SLC8A1: variants seen among roughly 807,000 people sequenced by gnomAD.
SLC8A1 encodes the protein sodium/calcium exchanger 1.
Under a neutral mutation model 68.3 loss-of-function variants are expected in SLC8A1, and 18 were observed. The observed-to-expected ratio is 0.26, with a 90% CI of 0.18 to 0.39. SLC8A1 has a LOEUF of 0.39. Among genes scored for constraint, SLC8A1 ranks in the 10% least tolerant of loss-of-function variants. The pLI, the probability that SLC8A1 is intolerant of heterozygous loss-of-function variation, is 1.00. For missense variants in SLC8A1, 985 were observed against 1,156.7 expected, an observed-to-expected ratio of 0.85 and a Z score of 2.15; for synonymous variants, 475 against 415.5, an observed-to-expected ratio of 1.14 and a Z score of -1.74.
At chr2:40,441,317 A>G (rs1700436178) in intron 1 of SLC8A1, among the ~76,000 whole-genome samples, 1 of 152,146 alleles carries the variant, frequency 6.6e-6, no homozygotes, top group Non-Finnish European at 1.5e-5. Flanking sequence ...ATGGATAGGA[A>G]CAATCAATAT....
chr2:40,464,345 A>G (rs916803654), intron 1 of SLC8A1, among the ~76,000 whole-genome samples: 2 of 152,190 alleles, frequency 1.3e-5, no homozygotes, highest in African/African-American at 4.8e-5. Flanking sequence ...CATAACTTTA[A>G]AAGATTCCTT....
intron 4 of SLC8A1, among the ~76,000 whole-genome samples, chr2:40,173,863 T>C (rs1298330240): frequency 6.6e-6 from 1 of 152,152 alleles, no homozygotes; most frequent in Admixed American, 6.6e-5. Context: ...AATATTTATC[T>C]CTCTAAATGT....
exon 8 of SLC8A1, chr2:40,105,594 C>T (rs1443220129): frequency 1.3e-5 from 2 of 152,152 alleles, no homozygotes; most frequent in African/African-American, 4.8e-5. Context: ...AGGTCCAATC[C>T]ACCTCACAGT....
intron 2 of SLC8A1, among the ~76,000 whole-genome samples, chr2:40,253,324 ATATATG>A (rs1375782818): frequency 6.6e-6 from 1 of 151,372 alleles, no homozygotes; most frequent in African/African-American, 2.4e-5. Context: ...ATACACACAC[ATATATG>A]TGTATATATA....
At chr2:40,432,144 G>GA (rs1256499886) in intron 1 of SLC8A1, among the ~76,000 whole-genome samples, 1 of 151,904 alleles carries the variant, frequency 6.6e-6, no homozygotes, top group Admixed American at 6.6e-5. Context: ...AAGAATGTTG[G>GA]AAGATCTAGT....
chr2:40,161,536 T>A (rs529331234), intron 5 of SLC8A1, among the ~76,000 whole-genome samples: 1 of 152,310 alleles, frequency 6.6e-6, no homozygotes, highest in East Asian at 1.9e-4. Flanking sequence ...CTCCCCTGCT[T>A]TACTGGCACT....
At chr2:40,270,401 C>T (rs752336744) in intron 2 of SLC8A1, among the ~76,000 whole-genome samples, 1 of 152,226 alleles carries the variant, frequency 6.6e-6, no homozygotes, top group East Asian at 1.9e-4. Context: ...TCTTACTAGG[C>T]TAACATTGAG....
chr2:40,450,490 T>C (rs1702243114), intron 1 of SLC8A1, among the ~76,000 whole-genome samples: 1 of 152,186 alleles, frequency 6.6e-6, no homozygotes, highest in Non-Finnish European at 1.5e-5. Context: ...CATGTTCAAC[T>C]GCTCATATCT....
At chr2:40,331,475 A>G (rs68003012) in intron 2 of SLC8A1, among the ~76,000 whole-genome samples, 31,717 of 152,162 alleles carry the variant, frequency 0.21, 3,848 homozygotes, top group East Asian at 0.38. Flanking sequence ...AGAATAAAAA[A>G]GTGCCCTTTA....
intron 5 of SLC8A1, among the ~76,000 whole-genome samples, chr2:40,162,399 G>A (rs1267328736): frequency 6.6e-6 from 1 of 152,204 alleles, no homozygotes; most frequent in Admixed American, 6.5e-5. Flanking sequence ...TCTCCAAAGA[G>A]GCACTCTGTG....
intron 2 of SLC8A1, among the ~76,000 whole-genome samples, chr2:40,291,197 G>A (rs2069243189): frequency 6.6e-6 from 1 of 152,088 alleles, no homozygotes; most frequent in African/African-American, 2.4e-5. Flanking sequence ...TTGTGCTGTT[G>A]ATTATTAGGA....
chr2:40,305,427 C>G (rs1339983849), intron 2 of SLC8A1, among the ~76,000 whole-genome samples: 1 of 152,148 alleles, frequency 6.6e-6, no homozygotes, highest in African/African-American at 2.4e-5. Context: ...TCAAAAGTGT[C>G]TCTAGACATT....
chr2:40,453,103 A>G (rs1468096781), upstream of SLC8A1: 1 of 152,064 alleles, frequency 6.6e-6, no homozygotes, highest in Non-Finnish European at 1.5e-5. Context: ...ACGTGGTGAA[A>G]GGCTAGACCT....
At chr2:40,159,910 G>A (rs1047107593) in intron 6 of SLC8A1, among the ~76,000 whole-genome samples, 5 of 152,110 alleles carry the variant, frequency 3.3e-5, no homozygotes, top group Admixed American at 6.6e-5. Context: ...TGCTAGTGAC[G>A]CAGTTTCCAA....
intron 2 of SLC8A1, among the ~76,000 whole-genome samples, chr2:40,374,587 G>C (rs1316614683): frequency 1.3e-5 from 2 of 151,970 alleles, no homozygotes; most frequent in Admixed American, 6.6e-5. Flanking sequence ...ACTAGGTAAA[G>C]AAACCATTTA....
chr2:40,124,101 G>A (rs1001374015), intron 7 of SLC8A1, among the ~76,000 whole-genome samples: 1 of 152,220 alleles, frequency 6.6e-6, no homozygotes, highest in African/African-American at 2.4e-5. Context: ...AGGTTCGCCT[G>A]TCTTGCTAGA....
In SLC8A1 at chr2:40,205,272, C is replaced by T. The variant is rs1278139140; in HGVS notation, c.1809-27417G>A. ...TCAATTTAAAAATAAATAAAAACAT[C>T]GTTTATAAGTCTAAAAAGTGCTAGG... is the stretch of plus-strand genomic sequence containing the variant. On this transcript the variant is annotated intron_variant, in intron 2 of 7. Transcript: ENST00000406785. Among the ~76,000 whole-genome samples the T allele has an allele frequency of 6.0e-5, 3 of 49,652 alleles. No individual in the cohort carries two copies. In the South Asian group the frequency reaches 1.3e-3, roughly 21 times the overall value. The allele number at this position is 49,652 out of a possible 152,430, so 32.6% of individuals were successfully genotyped here. A position where few individuals can be genotyped will look rare whatever the true frequency, so the allele number is the denominator to read the frequency against.
intron 1 of SLC8A1, among the ~76,000 whole-genome samples, chr2:40,482,786 G>A (rs1171661722): frequency 1.4e-5 from 2 of 146,068 alleles, no homozygotes; most frequent in Non-Finnish European, 3.0e-5. Flanking sequence ...GCCACAGTTA[G>A]CACTTTTTTT....
intron 1 of SLC8A1, among the ~76,000 whole-genome samples, chr2:40,510,933 A>C (rs968973999): frequency 3.9e-5 from 6 of 152,166 alleles, no homozygotes; most frequent in African/African-American, 1.4e-4. Context: ...GTGTAATGGG[A>C]CATTCAGAGC....
Sources: gnomAD v4.1 joint callset for allele counts (sites outside exome capture counted in the v4.1 genomes callset) on GRCh38, gnomAD v4.1.1 for gene constraint, MANE v1.5 for transcripts, NCBI Gene and HGNC (gene_info 2026-07-23, HGNC 2026-07-21) for gene names.